Variants in CFAP74 observed in about 807,000 individuals in gnomAD.
CFAP74 encodes cilia- and flagella-associated protein 74.
A neutral mutation model predicts 188.9 loss-of-function variants in CFAP74; 124 were observed. The observed-to-expected ratio is 0.66, with a 90% CI of 0.57 to 0.76. The LOEUF (loss-of-function observed/expected upper bound fraction) is 0.76. Ranked by LOEUF, CFAP74 falls within the 30% of genes least tolerant of loss-of-function variation. CFAP74 has a pLI of 0.00. For missense variants in CFAP74, 2,198 were observed against 2,165.2 expected, an observed-to-expected ratio of 1.02 and a Z score of -0.30; for synonymous variants, 956 against 916.7, an observed-to-expected ratio of 1.04 and a Z score of -0.77.
intron 1 of CFAP74, among the ~76,000 whole-genome samples, chr1:1,993,826 C>T (rs943131618): frequency 2.1e-5 from 3 of 140,534 alleles, no homozygotes; most frequent in Non-Finnish European, 4.7e-5. Context: ...ACTAAAAATA[C>T]AAAAAATTAG....
chr1:1,970,480 G>A (rs1158508747), intron 10 of CFAP74, among the ~76,000 whole-genome samples, 179 bp downstream of exon 10: 8 of 152,192 alleles, frequency 5.3e-5, no homozygotes, highest in Non-Finnish European at 1.2e-4. Flanking sequence ...GCTGAGTCAG[G>A]CCCAGGCAGG....
At chr1:1,988,830 A>AC in intron 3 of CFAP74, 59 bp downstream of exon 3, 1 of 125,904 alleles carries the variant, frequency 7.9e-6, no homozygotes, top group Non-Finnish European at 1.4e-5. Flanking sequence ...CCACCCCCCC[A>AC]CCCCCACCCC....
At chr1:1,936,628 G>C (rs1220106437) in intron 25 of CFAP74, among the ~76,000 whole-genome samples, 1 of 152,164 alleles carries the variant, frequency 6.6e-6, no homozygotes, top group East Asian at 1.9e-4. Context: ...GGAGAGCCGC[G>C]CACAGTGGCT....
At chr1:1,955,095 G>A (rs1654481747) in intron 18 of CFAP74, 3 of 1,283,962 alleles carry the variant, frequency 2.3e-6, no homozygotes, top group Non-Finnish European at 3.0e-6. Flanking sequence ...CACACAGGCT[G>A]TGGAGAACCG....
At chr1:1,959,323 C>T (rs1322045242) in intron 15 of CFAP74, 114 bp from the exon 16 acceptor site, 3 of 676,442 alleles carry the variant, frequency 4.4e-6, no homozygotes, top group Non-Finnish European at 7.7e-6. Flanking sequence ...GTGGCACCTG[C>T]TCGATTCACT....
rs568838363 is a variant in CFAP74, at chr1:1,924,953, C to T, written c.4105-433G>A. Among the ~76,000 whole-genome samples, 21 of 152,296 alleles carry T rather than the reference C, an allele frequency of 1.4e-4. No homozygotes were observed. In the East Asian group the frequency reaches 2.1e-3, roughly 15 times the overall value. On this transcript the variant is annotated intron_variant, in intron 33 of 38. Transcript: ENST00000682832. ...CAGGCGGAGAAGCAGGTGTCCCTCCCGGACCCACACTCGTGCGAAGGCATG... is the reference window on the plus strand; with the variant it reads ...CAGGCGGAGAAGCAGGTGTCCCTCCTGGACCCACACTCGTGCGAAGGCATG...
intron 18 of CFAP74, chr1:1,953,786 TGGA>T (rs1293546688): frequency 6.5e-6 from 1 of 153,450 alleles, no homozygotes; most frequent in Non-Finnish European, 1.5e-5. Flanking sequence ...TTTATGACCC[TGGA>T]GGAGAAAAAA....
chr1:1,975,190 G>T lies in CFAP74; in HGVS notation c.501-992C>A, dbSNP rs1656361262. Among the ~76,000 whole-genome samples the T allele has an allele frequency of 6.6e-6, 1 of 152,232 alleles. No homozygotes were observed. The highest frequency in any genetic ancestry group is 2.4e-5 in the African/African-American group (1 of 41,456). On this transcript the variant is annotated intron_variant, in intron 6 of 38. Transcript: ENST00000682832. This position sits in a 1 kb window ranked among gnomAD's most constrained non-coding sequence, Gnocchi z 4.5. Reference sequence around the variant, plus strand: ...AGCTTTTCCTGTGGAGCCGAGTCCAGTCTCTCTCCCCACTGCAACACCCGG... The same window carrying T: ...AGCTTTTCCTGTGGAGCCGAGTCCATTCTCTCTCCCCACTGCAACACCCGG...
At chr1:1,954,978 G>T in intron 18 of CFAP74, 1 of 1,209,722 alleles carries the variant, frequency 8.3e-7, no homozygotes, top group Non-Finnish European at 1.0e-6. Flanking sequence ...TAGAACCCGA[G>T]GCTCTCTCAG....
rs150000110 is a variant in CFAP74, at chr1:1,923,422, G to C, written c.4467C>G (p.Asp1489Glu). The change falls in exon 36 of 39, where the codon GAC becomes GAG. Residue 1489 changes from aspartate to glutamate, a missense_variant. Physicochemically the swap from Asp to Glu is conservative, Grantham distance 45. Coordinates refer to ENST00000682832, the MANE Select transcript of CFAP74 (RefSeq NM_001304360.2). The surrounding 1 kb of genome is among the most constrained non-coding windows in gnomAD (Gnocchi z 6.3). ...MMFVEGGDPL[D>E]VPVESLTAIP... Reference sequence around the variant, plus strand: ...TCGCTGTCAGAGACTCCACGGGCACGTCCAGGGGGTCGCCGCCCTCCACGA... The same window carrying C: ...TCGCTGTCAGAGACTCCACGGGCACCTCCAGGGGGTCGCCGCCCTCCACGA... The C allele has an allele frequency of 6.2e-7, 1 of 1,602,780 alleles. No homozygotes were observed.
At chr1:1,928,064 G>T in intron 27 of CFAP74, 1 of 415,928 alleles carries the variant, frequency 2.4e-6, no homozygotes, top group Non-Finnish European at 4.5e-6. Context: ...CCGAAGGCAA[G>T]TGCTTCCCCT....
rs757182719 is a variant in CFAP74, at chr1:1,946,393, A to T, written c.2288T>A (p.Ile763Asn). 7.2e-6 allele frequency: 11 copies of T among 1,536,976 alleles called. No individual in the cohort carries two copies. The highest frequency in any genetic ancestry group is 2.0e-5 in the Admixed American group (1 of 50,976). The change falls in exon 20 of 39, where the codon ATC becomes AAC. Residue 763 changes from isoleucine (I) to asparagine (N), a missense_variant. Ile to Asn is a moderately radical substitution (Grantham distance 149). Coordinates refer to ENST00000682832, the MANE Select transcript of CFAP74 (RefSeq NM_001304360.2). ...GCCTGGGACGACCGGAGTGAAGACGATGGGCACCTTGATGGAGCTGAAGGG... is the reference window on the plus strand; with the variant it reads ...GCCTGGGACGACCGGAGTGAAGACGTTGGGCACCTTGATGGAGCTGAAGGG... ...IGPFSSIKVP[I>N]VFTPVVPGDV... is the part of the protein sequence containing the mutation.
chr1:1,926,111 A>G, intron 32 of CFAP74, 117 bp downstream of exon 32: 1 of 1,428,118 alleles, frequency 7.0e-7, no homozygotes, highest in African/African-American at 1.4e-5. Context: ...GGCTGCTCGC[A>G]GACCCAGGCT....
Position 1,947,006 on chromosome 1 carries a change from T to A in CFAP74, c.2225A>T (p.Glu742Val). The change falls in exon 19 of 39, where the codon GAG becomes GTG. Residue 742 changes from glutamate to valine, a missense_variant. Physicochemically the swap from Glu to Val is moderately radical, Grantham distance 121. Transcript: ENST00000682832. The part of the protein sequence containing the change: ...TVIPPSEEQT[E>V]ITLGEVTEGE... ...CTGGCTGACCTCCCCCAGCGTGATC[T>A]CCGTCTGCTCTTCGCTGGGAGGTAT... 1 of 1,536,008 alleles carries A rather than the reference T, an allele frequency of 6.5e-7. No homozygotes were observed. The highest frequency in any genetic ancestry group is 1.2e-5 in the South Asian group (1 of 84,054).
At chr1:1,998,689 A>G (rs1658044350) in intron 1 of CFAP74, among the ~76,000 whole-genome samples, 1 of 151,748 alleles carries the variant, frequency 6.6e-6, no homozygotes, top group African/African-American at 2.4e-5. Flanking sequence ...CCTGGCTAAC[A>G]GGGTGAAACC....
intron 9 of CFAP74, among the ~76,000 whole-genome samples, chr1:1,971,247 ACACT>A (rs745404350): frequency 4.0e-4 from 60 of 150,172 alleles, no homozygotes; most frequent in East Asian, 1.9e-3. Flanking sequence ...ACACATGCAC[ACACT>A]CACGCATGCA....
rs747443400 is a variant in CFAP74, at chr1:1,988,957, C to T, written c.84G>A (p.Glu28=). 1.3e-6 allele frequency: 2 copies of T among 1,569,620 alleles called. No individual in the cohort carries two copies. The highest frequency in any genetic ancestry group is 1.7e-5 in the Admixed American group (1 of 57,890). Residue 28 remains glutamate, a synonymous_variant, in exon 3 of 39, where the codon GAG becomes GAA. Transcript: ENST00000682832. The part of the protein sequence containing the change: ...LLLEDERDEL[E]DPEFDIKCLL... ...GACATTTGATGTCAAACTCCGGATC[C>T]TCTAATTCATCTCTTTCTAGAAATC...
rs1653448192 is a variant in CFAP74, at chr1:1,942,433, T to G, written c.2487-277A>C. On this transcript the variant is annotated intron_variant, in intron 21 of 38. Coordinates refer to ENST00000682832, the MANE Select transcript of CFAP74 (RefSeq NM_001304360.2). This position sits in a 1 kb window ranked among gnomAD's most constrained non-coding sequence, Gnocchi z 4.3. The stretch of plus-strand genomic sequence containing the variant: ...TCCTAATGGGCTCTCGGGAACCAGA[T>G]GCTTTCCGGGAAGAGCACCTGCCAG... Among the ~76,000 whole-genome samples, 2 of 152,116 alleles carry G rather than the reference T, an allele frequency of 1.3e-5. No homozygotes were observed. The highest frequency in any genetic ancestry group is 1.5e-5 in the Non-Finnish European group (1 of 67,976).
At position 1,994,026 on chromosome 1, in the gene CFAP74, G is replaced by A. The variant is rs138870389; in HGVS notation, c.-19-3051C>T. ...TAAAAATAAAAAAATGTAGCCAGGC[G>A]TGGTGGTGGGCACCTGTAGTCCCAC... is the stretch of plus-strand genomic sequence containing the variant. On this transcript the variant is annotated intron_variant, in intron 1 of 38. Coordinates refer to ENST00000682832, the MANE Select transcript of CFAP74 (RefSeq NM_001304360.2). 6.0e-3 allele frequency among the ~76,000 whole-genome samples: 919 copies of A among 151,956 alleles called. 12 individuals carry two copies. Among genetic ancestry groups the A allele is most frequent in the African/African-American group, 0.021 (878 of 41,420 alleles).
Sources: gnomAD v4.1 joint callset for allele counts (sites outside exome capture counted in the v4.1 genomes callset) on GRCh38, gnomAD v4.1.1 for gene constraint, Gnocchi (gnomAD v3.1) non-coding constraint, MANE v1.5 for transcripts, NCBI Gene and HGNC (gene_info 2026-07-23, HGNC 2026-07-21) for gene names.